Variants in RORA observed in about 807,000 individuals in gnomAD.
The protein encoded by RORA is RAR related orphan receptor A.
RORA carries 7 observed loss-of-function variants against 69.5 expected under a neutral mutation model. The observed-to-expected ratio is 0.10, with a 90% CI of 0.06 to 0.19. The LOEUF is 0.19. RORA is among the 10% of genes least tolerant of loss of function. The pLI is 1.00. For missense variants in RORA, 457 were observed against 663.0 expected (o/e 0.69, Z 3.41); for synonymous variants, 261 against 240.8 (o/e 1.08, Z -0.78).
At chr15:61,098,304 C>G (rs2140740170) in intron 1 of RORA, among the ~76,000 whole-genome samples, 1 of 149,052 alleles carries the variant, frequency 6.7e-6, no homozygotes, top group East Asian at 2.0e-4. Context: ...TCACTGTCTC[C>G]CTCCCTCTCT....
rs1439083214 is a variant in RORA, at chr15:60,494,693, G to GTCAA, written c.*2758_*2761dup. On this transcript the variant is annotated 3_prime_UTR_variant, in exon 11 of 11. Coordinates refer to ENST00000335670, the MANE Select transcript of RORA (RefSeq NM_134261.3). The stretch of plus-strand genomic sequence containing the variant: ...TCTGTCTACAATTCCATCCTATTAT[G>GTCAA]TCAATCAGTGGACTTGGCTCTTAAG... 5 of 152,126 alleles carry GTCAA rather than the reference G, an allele frequency of 3.3e-5. No homozygotes were observed. Among genetic ancestry groups the GTCAA allele is most frequent in the South Asian group, 2.1e-4 (1 of 4,830 alleles). 9.4% of individuals were successfully genotyped at this position (152,126 alleles called of 1,614,324 possible).
rs201735416 is a variant in RORA at position 60,627,245 on chromosome 15, C to A, written c.196+51412G>T. On this transcript the variant is annotated intron_variant, in intron 2 of 10. Transcript: ENST00000335670. ...GCTCTCAGTGGCTCTTACCTTCTGG[C>A]TCCTTCACCTGCAGGTGTGGGTGTG... The A allele has an allele frequency of 5.6e-5, 91 of 1,614,056 alleles. 1 individual carries two copies. Among genetic ancestry groups the A allele is most frequent in the Middle Eastern group, 4.9e-4 (3 of 6,084 alleles).
chr15:60,625,637 T>C (rs573497822), intron 2 of RORA, among the ~76,000 whole-genome samples: 71 of 152,308 alleles, frequency 4.7e-4, no homozygotes, highest in Non-Finnish European at 8.7e-4. Context: ...AACAAGGAAA[T>C]TGTGTACGAA....
In RORA at chr15:60,497,568, T is replaced by C. The variant is rs2065198942; in HGVS notation, c.1459A>G (p.Lys487Glu). 1.2e-6 allele frequency: 2 copies of C among 1,612,814 alleles called. No individual in the cohort carries two copies. Among genetic ancestry groups the C allele is most frequent in the Admixed American group, 1.7e-5 (1 of 60,008 alleles). ...TATATTGCTTTAAATGCCATTAGCT[T>C]TTCTGTATGTCGTCCACATAAGGCT... Reference protein sequence around the residue: ...LRALCGRHTEKLMAFKAIYPD... With the variant: ...LRALCGRHTEELMAFKAIYPD... Residue 487 changes from lysine (K) to glutamate (E), a missense_variant, in exon 11 of 11, where the codon AAG becomes GAG. Lys to Glu is a moderately conservative substitution (Grantham distance 56). Transcript: ENST00000335670.
chr15:60,789,865 G>C (rs557787041), intron 1 of RORA, among the ~76,000 whole-genome samples: 1 of 152,292 alleles, frequency 6.6e-6, no homozygotes, highest in South Asian at 2.1e-4. Flanking sequence ...AATATAGGCA[G>C]CATGAATTAA....
intron 1 of RORA, among the ~76,000 whole-genome samples, chr15:61,196,640 T>A (rs992356784): frequency 1.3e-5 from 2 of 152,258 alleles, no homozygotes; most frequent in Non-Finnish European, 2.9e-5. Context: ...TTATGAAATA[T>A]GTCTCAAACA....
chr15:60,767,328 T>A (rs980654639), intron 1 of RORA, among the ~76,000 whole-genome samples: 4 of 152,138 alleles, frequency 2.6e-5, no homozygotes, highest in Admixed American at 2.6e-4. Context: ...CAAAGGCAAA[T>A]ACTAACTGGA....
At chr15:60,837,872 A>C (rs1271993354) in intron 1 of RORA, among the ~76,000 whole-genome samples, 1 of 152,032 alleles carries the variant, frequency 6.6e-6, no homozygotes, top group Non-Finnish European at 1.5e-5. Flanking sequence ...GCATGCAGGC[A>C]TTTGGCATGT....
chr15:60,858,989 T>G (rs76311508), intron 1 of RORA, among the ~76,000 whole-genome samples: 44,225 of 151,714 alleles, frequency 0.29, 6,727 homozygotes, highest in African/African-American at 0.32. Flanking sequence ...TCTTTTTTTT[T>G]TTTTTTCCTG....
intron 1 of RORA, among the ~76,000 whole-genome samples, chr15:60,879,680 C>G (rs1189153493): frequency 6.6e-6 from 1 of 152,076 alleles, no homozygotes; most frequent in African/African-American, 2.4e-5. Context: ...CGAAGTGGCA[C>G]CAATGGAGAT....
intron 1 of RORA, among the ~76,000 whole-genome samples, chr15:60,833,187 A>AG (rs61153898): frequency 0.06 from 9,000 of 150,774 alleles, 370 homozygotes; most frequent in African/African-American, 0.11. Flanking sequence ...TACAGGCATG[A>AG]CCACCATGCC....
intron 1 of RORA, among the ~76,000 whole-genome samples, chr15:60,833,620 G>A (rs985414900): frequency 4.6e-5 from 7 of 151,990 alleles, no homozygotes; most frequent in African/African-American, 1.7e-4. Context: ...AACCCACCAA[G>A]CCCAATCTCC....
chr15:61,004,471 T>C (rs1219051872), intron 1 of RORA, among the ~76,000 whole-genome samples: 1 of 151,526 alleles, frequency 6.6e-6, no homozygotes, highest in Non-Finnish European at 1.5e-5. Context: ...CCAAGGCACA[T>C]GGGGGCAGAG....
intron 1 of RORA, among the ~76,000 whole-genome samples, chr15:60,772,658 C>T (rs1437117253): frequency 1.3e-5 from 2 of 152,266 alleles, no homozygotes; most frequent in African/African-American, 4.8e-5. Context: ...CTTGCTTTGC[C>T]TTTTTGCTCC....
At chr15:60,820,219 T>A (rs2140377740) in intron 1 of RORA, among the ~76,000 whole-genome samples, 1 of 152,362 alleles carries the variant, frequency 6.6e-6, no homozygotes, top group East Asian at 1.9e-4. Context: ...AGGGTTTCTC[T>A]TTGTTCAGCA....
intron 1 of RORA, among the ~76,000 whole-genome samples, chr15:61,155,946 A>C (rs890646756): frequency 6.6e-6 from 1 of 152,186 alleles, no homozygotes; most frequent in Non-Finnish European, 1.5e-5. Context: ...TGTTCTGGAA[A>C]ACGGGATTAT....
At chr15:61,026,583 T>C (rs1289603211) in intron 1 of RORA, among the ~76,000 whole-genome samples, 1 of 152,228 alleles carries the variant, frequency 6.6e-6, no homozygotes. Context: ...AGTTGGTCTA[T>C]GTCATATATA....
intron 1 of RORA, among the ~76,000 whole-genome samples, chr15:60,943,916 CAAAA>C (rs545168599): frequency 5.9e-4 from 19 of 32,354 alleles, no homozygotes; most frequent in African/African-American, 1.4e-3. Flanking sequence ...ACTCCATCTC[CAAAA>C]AAAAAAAAAA....
chr15:60,820,505 C>T (rs959578052), intron 1 of RORA, among the ~76,000 whole-genome samples: 2 of 152,080 alleles, frequency 1.3e-5, no homozygotes, highest in Non-Finnish European at 2.9e-5. Flanking sequence ...AAAATGAGGC[C>T]TGCATTGCGT....
Sources: gnomAD v4.1 joint callset for allele counts (sites outside exome capture counted in the v4.1 genomes callset) on GRCh38, gnomAD v4.1.1 for gene constraint, MANE v1.5 for transcripts, NCBI Gene and HGNC (gene_info 2026-07-23, HGNC 2026-07-21) for gene names.